The following MIS18A variants were observed in gnomAD, a reference collection of about 807,000 sequenced individuals.
The protein encoded by MIS18A is protein Mis18-alpha.
In MIS18A, 14 loss-of-function variants were observed where a neutral mutation model predicts 25.0. The ratio of observed to expected loss-of-function variants is 0.56; its 90% confidence interval spans 0.37 to 0.88. The LOEUF is 0.88. Among genes scored for constraint, MIS18A ranks in the 40% least tolerant of loss-of-function variants. The probability of loss-of-function intolerance (pLI) is 0.00; values close to 1 mark genes in which losing one functional copy is unlikely to be tolerated. For missense variants in MIS18A, 292 were observed against 290.8 expected, an observed-to-expected ratio of 1.00 and a Z score of -0.03; for synonymous variants, 134 against 118.6, an observed-to-expected ratio of 1.13 and a Z score of -0.84.
In MIS18A at chr21:32,276,887, C is replaced by A. The variant is rs527992668; in HGVS notation, c.334+1794G>T. ...GGTTACATACAGTGAGCTATGATTG[C>A]GCCACTGTACTCCAACCTGGGCAAC... On this transcript the variant is annotated intron_variant, in intron 1 of 4. Coordinates refer to ENST00000290130, the MANE Select transcript of MIS18A (RefSeq NM_018944.3). 5.3e-5 allele frequency among the ~76,000 whole-genome samples: 8 copies of A among 152,124 alleles called. 1 individual carries two copies. In the South Asian group the frequency reaches 1.5e-3, roughly 28 times the overall value.
chr21:32,223,788 A>G, the MIS18A span, among the ~76,000 whole-genome samples: 1 of 152,380 alleles, frequency 6.6e-6, no homozygotes, highest in South Asian at 2.1e-4. Flanking sequence ...TGAGGCCAGC[A>G]TCATCCTGAT....
At chr21:32,276,405 G>A (rs2031809798) in intron 1 of MIS18A, among the ~76,000 whole-genome samples, 1 of 134,084 alleles carries the variant, frequency 7.5e-6, no homozygotes, top group Non-Finnish European at 1.5e-5. Context: ...AGCTTGCAGT[G>A]AGCTGAGACT....
the MIS18A span, among the ~76,000 whole-genome samples, chr21:32,209,665 T>C: frequency 6.6e-6 from 1 of 152,126 alleles, no homozygotes; most frequent in Non-Finnish European, 1.5e-5. Context: ...TCATGTGTGA[T>C]GGGAGGGGCC....
chr21:32,218,841 G>A, the MIS18A span, among the ~76,000 whole-genome samples: 1 of 152,074 alleles, frequency 6.6e-6, no homozygotes, highest in African/African-American at 2.4e-5. Context: ...GAGGCTAGTG[G>A]ATCACCTGAT....
the MIS18A span, among the ~76,000 whole-genome samples, chr21:32,205,914 G>A: frequency 6.7e-6 from 1 of 149,836 alleles, no homozygotes; most frequent in Non-Finnish European, 1.5e-5. Flanking sequence ...GGGCTGGATA[G>A]GGGGGTTTGA....
chr21:32,163,041 T>C, the MIS18A span, among the ~76,000 whole-genome samples: 1 of 152,170 alleles, frequency 6.6e-6, no homozygotes, highest in Admixed American at 6.5e-5. Context: ...AAAAGTCCCA[T>C]CATAAACTAC....
chr21:32,207,106 AT>A, the MIS18A span, among the ~76,000 whole-genome samples: 7 of 152,156 alleles, frequency 4.6e-5, no homozygotes, highest in Non-Finnish European at 5.9e-5. Context: ...GTAATGACAC[AT>A]TTTTTTATGA....
At chr21:32,223,072 A>C in the MIS18A span, among the ~76,000 whole-genome samples, 1 of 152,192 alleles carries the variant, frequency 6.6e-6, no homozygotes, top group African/African-American at 2.4e-5. Flanking sequence ...AGTTCTTTGA[A>C]ATCAATGAGA....
chr21:32,221,899 A>T, the MIS18A span, among the ~76,000 whole-genome samples: 1 of 151,830 alleles, frequency 6.6e-6, no homozygotes. Flanking sequence ...AAAGAAAAAA[A>T]AAGCTAGCAT....
chr21:32,252,271 G>T, the MIS18A span, among the ~76,000 whole-genome samples: 6 of 145,026 alleles, frequency 4.1e-5, no homozygotes, highest in African/African-American at 1.5e-4. Context: ...AGGAGGAGGA[G>T]GAGGAGGAGG....
At chr21:32,158,311 G>C in the MIS18A span, among the ~76,000 whole-genome samples, 1 of 152,026 alleles carries the variant, frequency 6.6e-6, no homozygotes, top group Non-Finnish European at 1.5e-5. Flanking sequence ...TCAATCTGAA[G>C]AATGTTAAAG....
chr21:32,253,332 T>C, the MIS18A span, among the ~76,000 whole-genome samples: 217 of 152,266 alleles, frequency 1.4e-3, no homozygotes, highest in Middle Eastern at 6.8e-3. Context: ...CAGCTGAGGA[T>C]TGTCCCTTTG....
chr21:32,259,745 T>C, the MIS18A span: 1 of 152,224 alleles, frequency 6.6e-6, no homozygotes, highest in African/African-American at 2.4e-5. Context: ...GCATCTTGTT[T>C]CCAGTGTCAG....
the MIS18A span, among the ~76,000 whole-genome samples, chr21:32,176,698 G>A: frequency 6.6e-6 from 1 of 151,752 alleles, no homozygotes; most frequent in Non-Finnish European, 1.5e-5. Flanking sequence ...AAGAGAAAGT[G>A]GAAGGAAGGT....
intron 1 of MIS18A, 49 bp downstream of exon 1, chr21:32,278,632 T>A (rs1205725775): frequency 7.6e-6 from 11 of 1,453,472 alleles, no homozygotes; most frequent in Non-Finnish European, 8.1e-6. Context: ...GCGGCACCCC[T>A]GGAAGAAGGC....
the MIS18A span, among the ~76,000 whole-genome samples, chr21:32,164,471 T>A: frequency 6.6e-6 from 1 of 152,170 alleles, no homozygotes; most frequent in African/African-American, 2.4e-5. Context: ...ACCTTACATA[T>A]TTAATATAGT....
chr21:32,180,717 T>G, the MIS18A span, among the ~76,000 whole-genome samples: 12 of 152,224 alleles, frequency 7.9e-5, no homozygotes, highest in Non-Finnish European at 2.9e-5. Flanking sequence ...CTCCATATCC[T>G]TGCCAACACA....
chr21:32,252,722 G>C, the MIS18A span, among the ~76,000 whole-genome samples: 1 of 152,160 alleles, frequency 6.6e-6, no homozygotes, highest in Non-Finnish European at 1.5e-5. Flanking sequence ...ATATATGTCA[G>C]CTTTACAATG....
At chr21:32,252,203 GAGAAGAAGAAGAAGAAGA>G in the MIS18A span, among the ~76,000 whole-genome samples, 855 of 119,196 alleles carry the variant, frequency 7.2e-3, 11 homozygotes, top group African/African-American at 0.027. Flanking sequence ...GGAAGAGGAG[GAGAAGAAGAAGAAGAAGA>G]AGAAGAAGAA....
Sources: allele counts gnomAD v4.1 joint callset (sites outside exome capture counted in the v4.1 genomes callset), GRCh38; gene constraint gnomAD v4.1.1; transcripts MANE v1.5; gene names NCBI Gene and HGNC (gene_info 2026-07-23, HGNC 2026-07-21).